The following ZNF445 variants were observed in gnomAD, a reference collection of about 807,000 sequenced individuals.
ZNF445 encodes zinc finger protein 168.
A neutral mutation model predicts 93.9 loss-of-function variants in ZNF445; 19 were observed. That is an observed-to-expected ratio of 0.20 (90% CI 0.14 to 0.30). ZNF445 has a LOEUF of 0.30. Among genes scored for constraint, ZNF445 ranks in the 10% least tolerant of loss-of-function variants. The pLI is 1.00. For missense variants in ZNF445, 1,058 were observed against 1,259.4 expected (o/e 0.84, Z 2.42); for synonymous variants, 449 against 446.3 (o/e 1.01, Z -0.08).
intron 1 of ZNF445, among the ~76,000 whole-genome samples, chr3:44,464,094 G>C (rs966210176): frequency 1.3e-5 from 2 of 151,970 alleles, no homozygotes; most frequent in African/African-American, 4.8e-5. Flanking sequence ...CCATTGCACT[G>C]CAGCTTGGAT....
chr3:44,470,311 T>C (rs889076407), intron 1 of ZNF445, among the ~76,000 whole-genome samples: 4 of 152,132 alleles, frequency 2.6e-5, no homozygotes, highest in Non-Finnish European at 5.9e-5. Context: ...GTGCTAAGTT[T>C]GAAAGCACAT....
intron 1 of ZNF445, among the ~76,000 whole-genome samples, chr3:44,473,958 T>C (rs1270505296): frequency 6.6e-6 from 1 of 152,234 alleles, no homozygotes; most frequent in Non-Finnish European, 1.5e-5. Context: ...ATGAGAATTG[T>C]ATGTAAGTAT....
chr3:44,454,875 G>T, intron 3 of ZNF445: 1 of 549,006 alleles, frequency 1.8e-6, no homozygotes, highest in South Asian at 2.1e-5. Context: ...AGAAGTTGCT[G>T]TTATTTATGG....
Position 44,444,449 on chromosome 3 carries a change from A to G in ZNF445, c.*2126T>C, listed in dbSNP as rs982961511. 2 of 152,268 alleles carry G rather than the reference A, an allele frequency of 1.3e-5. No homozygotes were observed. Among genetic ancestry groups the G allele is most frequent in the African/African-American group, 4.8e-5 (2 of 41,446 alleles). 9.4% of individuals were successfully genotyped at this position (152,268 alleles called of 1,614,324 possible). ...GATGCAGAGGTTCATTGACTTGCTC[A>G]AGATCAATCCTGCCAAGAAAAGGCA... is the stretch of plus-strand genomic sequence containing the variant. On this transcript the variant is annotated 3_prime_UTR_variant, in exon 8 of 8. Transcript: ENST00000396077.
chr3:44,455,279 T>G lies in ZNF445; in HGVS notation c.271A>C (p.Lys91Gln), dbSNP rs770985921. 1 of 1,614,148 alleles carries G rather than the reference T, an allele frequency of 6.2e-7. No homozygotes were observed. The highest frequency in any genetic ancestry group is 1.7e-5 in the Admixed American group (1 of 60,022). ...ACCAGCAGCTCTAGGATCTGTGCCT[T>G]GGAGAGAACGTCAGGCCTCAGCCAC... ...RWWLRPDVLSKAQILELLVLE... is the reference protein window; with the variant it reads ...RWWLRPDVLSQAQILELLVLE... Residue 91 changes from lysine to glutamine, a missense_variant, in exon 3 of 8, where the codon AAG (lysine) becomes CAG (glutamine). Lys to Gln is a moderately conservative substitution (Grantham distance 53). This residue lies in a region of ZNF445 where 657 missense variants were observed against 746.4 expected (regional missense o/e 0.88). Coordinates refer to ENST00000396077, the MANE Select transcript of ZNF445 (RefSeq NM_181489.6).
In ZNF445 at chr3:44,446,600, T is replaced by C. The variant is rs769818076; in HGVS notation, c.3071A>G (p.His1024Arg). The change falls in exon 8 of 8, where the codon CAT becomes CGT. Residue 1024 changes from histidine to arginine, a missense_variant. Physicochemically the swap from His to Arg is conservative, Grantham distance 29. Around this residue, in one of 3 missense-constraint regions of ZNF445, gnomAD observed 387 missense variants for 475.7 expected, o/e 0.81. Transcript: ENST00000396077. The surrounding 1 kb of genome is among the most constrained non-coding windows in gnomAD (Gnocchi z 4.2). Reference protein sequence around the residue: ...TFRWSSNLARHMKNHIRD With the variant: ...TFRWSSNLARRMKNHIRD The stretch of plus-strand genomic sequence containing the variant: ...CTAATCTCTAATATGGTTTTTCATA[T>C]GCCGAGCCAGGTTCGAAGACCACCT... 6.2e-7 allele frequency: 1 copy of C among 1,614,250 alleles called. No individual in the cohort carries two copies. Among genetic ancestry groups the C allele is most frequent in the Non-Finnish European group, 8.5e-7 (1 of 1,180,046 alleles).
intron 1 of ZNF445, among the ~76,000 whole-genome samples, chr3:44,473,184 G>A (rs530378191): frequency 2.6e-5 from 4 of 152,176 alleles, no homozygotes; most frequent in East Asian, 1.9e-4. Flanking sequence ...CAGGCCGGGC[G>A]CAGTGGCTCA....
At position 44,451,578 on chromosome 3, in the gene ZNF445, C is replaced by T. The variant is rs558894900; in HGVS notation, c.430-96G>A. 79 of 1,371,558 alleles carry T rather than the reference C, an allele frequency of 5.8e-5. No homozygotes were observed. The Admixed American group carries it at 1.0e-3, about 18-fold the overall frequency. The allele number at this position is 1,371,558 out of a possible 1,614,324, so 85.0% of individuals were successfully genotyped here. On this transcript the variant is annotated intron_variant, in intron 3 of 7. Coordinates refer to ENST00000396077, the MANE Select transcript of ZNF445 (RefSeq NM_181489.6). ...TGACCAATCTCTGAAGGACAAAGGC[C>T]GAGGGATAGGTAAGCCAGGTCCTTT...
intron 1 of ZNF445, among the ~76,000 whole-genome samples, chr3:44,474,980 C>T (rs1698325469): frequency 6.6e-6 from 1 of 151,854 alleles, no homozygotes; most frequent in South Asian, 2.1e-4. Flanking sequence ...TGCCTGTAAT[C>T]CCAGCTACTC....
At chr3:44,473,704 G>A (rs1384942660) in intron 1 of ZNF445, among the ~76,000 whole-genome samples, 35 of 144,702 alleles carry the variant, frequency 2.4e-4, no homozygotes, top group African/African-American at 8.0e-4. Context: ...GGTTTTGGGT[G>A]CCAGAAAACA....
chr3:44,455,088 T>A, intron 3 of ZNF445, 33 bp downstream of exon 3: 3 of 1,613,144 alleles, frequency 1.9e-6, no homozygotes, highest in Non-Finnish European at 2.5e-6. Flanking sequence ...GCAGGCAGAG[T>A]TCCCTGGGCA....
At chr3:44,449,126 C>T (rs559870271) in intron 7 of ZNF445, among the ~76,000 whole-genome samples, 7 of 152,142 alleles carry the variant, frequency 4.6e-5, no homozygotes, top group Non-Finnish European at 1.0e-4. Flanking sequence ...AAAGAAGGAC[C>T]AAGAAAAGAA....
intron 1 of ZNF445, among the ~76,000 whole-genome samples, chr3:44,467,077 T>C (rs988195995): frequency 4.6e-5 from 7 of 152,318 alleles, no homozygotes; most frequent in Middle Eastern, 6.8e-3. Flanking sequence ...AATTGTGCTA[T>C]TGGAATAGAG....
chr3:44,465,835 A>C (rs866505560), intron 1 of ZNF445, among the ~76,000 whole-genome samples: 5 of 152,284 alleles, frequency 3.3e-5, no homozygotes, highest in East Asian at 3.9e-4. Context: ...AATCGCTTGA[A>C]CCTGGGAGGC....
In ZNF445 at chr3:44,444,300, G is replaced by A. The variant is rs1697851732; in HGVS notation, c.*2275C>T. 2 of 152,220 alleles carry A rather than the reference G, an allele frequency of 1.3e-5. No individual in the cohort carries two copies. The highest frequency in any genetic ancestry group is 2.9e-5 in the Non-Finnish European group (2 of 68,058). 9.4% of individuals were successfully genotyped at this position (152,220 alleles called of 1,614,324 possible). On this transcript the variant is annotated 3_prime_UTR_variant, in exon 8 of 8. Transcript: ENST00000396077. ...CAACTGACATGGAAGCTGCACCTCTGAGAGGGCCCTGGTCCTAGAGGTCAA... is the reference window on the plus strand; with the variant it reads ...CAACTGACATGGAAGCTGCACCTCTAAGAGGGCCCTGGTCCTAGAGGTCAA...
intron 2 of ZNF445, 50 bp from the exon 3 acceptor site, chr3:44,455,746 G>A (rs1698020088): frequency 7.1e-6 from 4 of 562,954 alleles, no homozygotes; most frequent in Admixed American, 7.1e-5. Context: ...TGGTGCAGTT[G>A]GATTCTGCTG....
chr3:44,447,777 TC>T lies in ZNF445; in HGVS notation c.1893del (p.Thr633ProfsTer12). ...AAGTTTGATCTCCATCTAAAGGTTT[TC>T]CTACATTTGGTACATTTATAGGGCT... ...QEKPYKCTKCRKTFRWRSNFT... is the reference protein window; with the variant it reads ...QEKPYKCTKCXKTFRWRSNFT... On this transcript the variant is annotated frameshift_variant, in exon 8 of 8. Transcript: ENST00000396077. LOFTEE classifies it high-confidence loss of function. This position sits in a 1 kb window ranked among gnomAD's most constrained non-coding sequence, Gnocchi z 4.7. The T allele has an allele frequency of 6.2e-7, 1 of 1,614,146 alleles. No individual in the cohort carries two copies. Among genetic ancestry groups the T allele is most frequent in the Non-Finnish European group, 8.5e-7 (1 of 1,180,024 alleles).
intron 1 of ZNF445, among the ~76,000 whole-genome samples, chr3:44,474,374 C>G (rs1442346809): frequency 1.3e-5 from 2 of 152,034 alleles, no homozygotes; most frequent in Non-Finnish European, 2.9e-5. Context: ...ATTAGCCAGG[C>G]CTGGTGGCAC....
chr3:44,467,570 A>C (rs1337667971), intron 1 of ZNF445, among the ~76,000 whole-genome samples: 3 of 152,042 alleles, frequency 2.0e-5, no homozygotes, highest in Non-Finnish European at 2.9e-5. Flanking sequence ...AATTTGCCCA[A>C]CTCATAGGTA....
Sources: allele counts gnomAD v4.1 joint callset (sites outside exome capture counted in the v4.1 genomes callset), GRCh38; gene constraint gnomAD v4.1.1; regional missense constraint gnomAD v4.1.1; non-coding constraint Gnocchi (gnomAD v3.1); transcripts MANE v1.5; gene names NCBI Gene and HGNC (gene_info 2026-07-23, HGNC 2026-07-21).